Variants in NSG2 observed in about 807,000 individuals in gnomAD.
NSG2 encodes neuronal vesicle trafficking associated 2, also known as neuronal vesicle trafficking-associated protein 2.
A neutral mutation model predicts 16.9 loss-of-function variants in NSG2; 4 were observed. The ratio of observed to expected loss-of-function variants is 0.24; its 90% CI spans 0.12 to 0.54. The LOEUF is 0.54. Among genes scored for constraint, NSG2 ranks in the 20% least tolerant of loss-of-function variants. NSG2 has a pLI of 0.95. For synonymous variants in NSG2, 98 were observed against 88.7 expected (o/e 1.11, Z -0.59); for missense variants, 179 against 221.1 (o/e 0.81, Z 1.21).
intron 2 of NSG2, among the ~76,000 whole-genome samples, chr5:174,061,327 G>A (rs1334613183): frequency 2.0e-5 from 3 of 152,142 alleles, no homozygotes; most frequent in African/African-American, 7.2e-5. Flanking sequence ...GGAATTTGTA[G>A]AATATCCTTT....
intron 3 of NSG2, among the ~76,000 whole-genome samples, chr5:174,084,733 C>G (rs1760568758): frequency 6.6e-6 from 1 of 152,224 alleles, no homozygotes; most frequent in Admixed American, 6.5e-5. Context: ...TTCATCCTGC[C>G]AGGGCTACGG....
intron 3 of NSG2, among the ~76,000 whole-genome samples, chr5:174,102,847 C>T (rs771265007): frequency 2.0e-5 from 3 of 151,062 alleles, no homozygotes; most frequent in East Asian, 1.9e-4. Flanking sequence ...GGCACAAGCT[C>T]GGCTCACTGC....
chr5:174,087,562 T>C, intron 3 of NSG2, among the ~76,000 whole-genome samples: 1 of 151,970 alleles, frequency 6.6e-6, no homozygotes, highest in East Asian at 1.9e-4. Flanking sequence ...GGAGGGTTAC[T>C]TGAAGCCAAG....
At chr5:174,067,191 G>T (rs1377203918) in intron 3 of NSG2, among the ~76,000 whole-genome samples, 1 of 152,070 alleles carries the variant, frequency 6.6e-6, no homozygotes, top group African/African-American at 2.4e-5. Flanking sequence ...AGTGATATAG[G>T]GCTATATATT....
chr5:174,048,646 T>C (rs932359876), intron 2 of NSG2, among the ~76,000 whole-genome samples: 2 of 152,162 alleles, frequency 1.3e-5, no homozygotes, highest in African/African-American at 4.8e-5. Context: ...GGTGAGGTCA[T>C]CTCTCCCCTA....
chr5:174,104,646 C>T (rs138223654), intron 4 of NSG2, among the ~76,000 whole-genome samples: 4 of 152,234 alleles, frequency 2.6e-5, no homozygotes, highest in South Asian at 2.1e-4. Flanking sequence ...TGGGAAAGCT[C>T]GGCTTGGTGC....
At chr5:174,067,460 C>T (rs1019805377) in intron 3 of NSG2, among the ~76,000 whole-genome samples, 3 of 152,170 alleles carry the variant, frequency 2.0e-5, no homozygotes, top group Non-Finnish European at 2.9e-5. Flanking sequence ...TCTCCACCCC[C>T]GCGCAGTTTG....
At chr5:174,084,582 T>C (rs938066895) in intron 3 of NSG2, among the ~76,000 whole-genome samples, 8 of 152,226 alleles carry the variant, frequency 5.3e-5, no homozygotes, top group Non-Finnish European at 1.0e-4. Flanking sequence ...CCTGTCCTGC[T>C]TTATTTTCTG....
Position 174,046,897 on chromosome 5 carries a change from C to T in NSG2, c.129+13C>T. 4 of 1,613,764 alleles carry T rather than the reference C, an allele frequency of 2.5e-6. No homozygotes were observed. The highest frequency in any genetic ancestry group is 3.4e-6 in the Non-Finnish European group (4 of 1,179,820). ...TGCTCCAGAAAAGGTAAAGCATGTCCTCTTGCTCTCATCAGCCCCCAGGCT... is the reference window on the plus strand; with the variant it reads ...TGCTCCAGAAAAGGTAAAGCATGTCTTCTTGCTCTCATCAGCCCCCAGGCT... On this transcript the variant is annotated intron_variant, in intron 2 of 4. Coordinates refer to ENST00000303177, the MANE Select transcript of NSG2 (RefSeq NM_015980.5).
chr5:174,099,539 C>T (rs1488891980), intron 3 of NSG2, among the ~76,000 whole-genome samples: 1 of 152,112 alleles, frequency 6.6e-6, no homozygotes, highest in Non-Finnish European at 1.5e-5. Flanking sequence ...CTTGTCGCTT[C>T]CCTGCTTAGA....
chr5:174,062,522 T>C (rs956224973), intron 2 of NSG2: 2 of 152,162 alleles, frequency 1.3e-5, no homozygotes, highest in Admixed American at 1.3e-4. Context: ...CTCTCATCCA[T>C]GTTTGGCTGT....
At chr5:174,089,522 G>A (rs1760689463) in intron 3 of NSG2, among the ~76,000 whole-genome samples, 1 of 151,552 alleles carries the variant, frequency 6.6e-6, no homozygotes, top group African/African-American at 2.4e-5. Context: ...GAGGAGCCTG[G>A]CCCAAAAAAG....
At chr5:174,092,866 A>G (rs1294113512) in intron 3 of NSG2, among the ~76,000 whole-genome samples, 4 of 152,154 alleles carry the variant, frequency 2.6e-5, no homozygotes, top group Non-Finnish European at 5.9e-5. Flanking sequence ...AATGGGATGG[A>G]ACAGAAGGAA....
At chr5:174,068,921 G>T (rs1760190711) in intron 3 of NSG2, among the ~76,000 whole-genome samples, 1 of 151,290 alleles carries the variant, frequency 6.6e-6, no homozygotes. Flanking sequence ...TGCTGTGGAA[G>T]GTGCTGGTGT....
chr5:174,101,314 C>G (rs150801477), intron 3 of NSG2, among the ~76,000 whole-genome samples: 1 of 152,322 alleles, frequency 6.6e-6, no homozygotes, highest in East Asian at 1.9e-4. Context: ...ACTCGTGTAA[C>G]ATAAACATAA....
Position 174,070,961 on chromosome 5 carries a change from C to T in NSG2, c.213+6646C>T, listed in dbSNP as rs748414826. On this transcript the variant is annotated intron_variant, in intron 3 of 4. Transcript: ENST00000303177. ...GGGATGGTCTCAGGAGCATCCCTGA[C>T]CCCACACCCTGATCCAGCATTCAGA... Among the ~76,000 whole-genome samples the T allele has an allele frequency of 5.3e-5, 8 of 152,332 alleles. No individual in the cohort carries two copies. In the South Asian group the frequency reaches 6.2e-4, roughly 12 times the overall value.
chr5:174,079,180 A>G (rs1343069915), intron 3 of NSG2, among the ~76,000 whole-genome samples: 4 of 151,706 alleles, frequency 2.6e-5, no homozygotes, highest in African/African-American at 9.7e-5. Flanking sequence ...AACCAACTCT[A>G]AGTCCTACCC....
chr5:174,051,464 A>G (rs1581216169), intron 2 of NSG2, among the ~76,000 whole-genome samples: 1 of 152,268 alleles, frequency 6.6e-6, no homozygotes, highest in East Asian at 1.9e-4. Context: ...CCTCTCCTGA[A>G]TGCCTTCCTT....
At chr5:174,058,718 A>G (rs896576275) in intron 2 of NSG2, among the ~76,000 whole-genome samples, 3 of 152,252 alleles carry the variant, frequency 2.0e-5, no homozygotes, top group African/African-American at 7.2e-5. Context: ...AGGTCAAAGA[A>G]GATGAAGGCA....
Sources: allele counts gnomAD v4.1 joint callset (sites outside exome capture counted in the v4.1 genomes callset), GRCh38; gene constraint gnomAD v4.1.1; transcripts MANE v1.5; gene names NCBI Gene and HGNC (gene_info 2026-07-23, HGNC 2026-07-21).